The following CNTN5 variants were observed in gnomAD, a reference collection of about 807,000 sequenced individuals.
CNTN5 encodes contactin-5.
In CNTN5, 77 loss-of-function variants were observed where a neutral mutation model predicts 129.1. The observed-to-expected ratio is 0.60, with a 90% CI of 0.50 to 0.72. The LOEUF is 0.72. Among genes scored for constraint, CNTN5 ranks in the 30% least tolerant of loss-of-function variants. The pLI is 0.00. For synonymous variants in CNTN5, 509 were observed against 465.6 expected (o/e 1.09, Z -1.20); for missense variants, 1,478 against 1,328.8 (o/e 1.11, Z -1.75).
chr11:100,173,478 G>A (rs1947879179), intron 13 of CNTN5, among the ~76,000 whole-genome samples: 1 of 152,088 alleles, frequency 6.6e-6, no homozygotes, highest in Non-Finnish European at 1.5e-5. Context: ...AGAGAGAGAT[G>A]ACAAGACAGA....
intron 1 of CNTN5, among the ~76,000 whole-genome samples, chr11:99,055,584 T>G (rs1030614402): frequency 3.3e-5 from 5 of 151,968 alleles, no homozygotes; most frequent in Non-Finnish European, 5.9e-5. Context: ...TGCTGACCCC[T>G]GACAATCCCA....
intron 3 of CNTN5, among the ~76,000 whole-genome samples, chr11:99,665,852 G>T (rs1404863938): frequency 1.3e-5 from 2 of 151,962 alleles, no homozygotes; most frequent in Admixed American, 1.3e-4. Context: ...TTTTCTTTTT[G>T]TTCTTTAAAA....
At chr11:99,827,948 T>C (rs1004764745) in intron 4 of CNTN5, among the ~76,000 whole-genome samples, 8 of 152,190 alleles carry the variant, frequency 5.3e-5, no homozygotes, top group African/African-American at 1.9e-4. Context: ...AGATGTACTT[T>C]TTACATTTTT....
At chr11:99,547,003 C>CTTT (rs59675284) in intron 2 of CNTN5, among the ~76,000 whole-genome samples, 32 of 128,608 alleles carry the variant, frequency 2.5e-4, no homozygotes, top group African/African-American at 8.2e-4. Flanking sequence ...AAATTATTTT[C>CTTT]TTTTTTTTTT....
intron 8 of CNTN5, among the ~76,000 whole-genome samples, chr11:99,975,003 A>C (rs1396033995): frequency 1.3e-5 from 2 of 152,224 alleles, no homozygotes; most frequent in Admixed American, 6.5e-5. Context: ...TTGTAGTACA[A>C]ATTTTACAGA....
chr11:99,184,254 C>T (rs76879560), intron 1 of CNTN5, among the ~76,000 whole-genome samples: 2,603 of 152,042 alleles, frequency 0.017, 40 homozygotes, highest in African/African-American at 0.037. Flanking sequence ...TTGGCATCTC[C>T]CCCACATACC....
intron 20 of CNTN5, among the ~76,000 whole-genome samples, chr11:100,300,959 T>C (rs780548088): frequency 6.6e-6 from 1 of 151,576 alleles, no homozygotes; most frequent in Non-Finnish European, 1.5e-5. Context: ...AGTAACATGC[T>C]CAAATTCACA....
intron 9 of CNTN5, among the ~76,000 whole-genome samples, chr11:100,030,868 T>C (rs553389066): frequency 2.4e-4 from 36 of 152,326 alleles, no homozygotes; most frequent in East Asian, 1.2e-3. Context: ...TATATAGTGA[T>C]AGAATCTAAG....
chr11:99,785,569 G>GA (rs1405341580), intron 3 of CNTN5, among the ~76,000 whole-genome samples: 1 of 152,068 alleles, frequency 6.6e-6, no homozygotes, highest in African/African-American at 2.4e-5. Context: ...CGATATTCCT[G>GA]ATGAACATCG....
At chr11:99,292,985 A>G (rs1864233152) in intron 1 of CNTN5, among the ~76,000 whole-genome samples, 1 of 152,198 alleles carries the variant, frequency 6.6e-6, no homozygotes, top group Admixed American at 6.5e-5. Flanking sequence ...AGTGCACTTA[A>G]TAGGCCCCCC....
chr11:99,371,031 T>C (rs1409124235), intron 2 of CNTN5, among the ~76,000 whole-genome samples: 2 of 152,146 alleles, frequency 1.3e-5, no homozygotes, highest in Non-Finnish European at 2.9e-5. Flanking sequence ...TCAGGGTAAT[T>C]GGCTCTGCAG....
At chr11:99,198,883 C>T (rs1260909126) in intron 1 of CNTN5, among the ~76,000 whole-genome samples, 1 of 152,110 alleles carries the variant, frequency 6.6e-6, no homozygotes, top group East Asian at 1.9e-4. Context: ...CTGATTGTTA[C>T]CTTGAAGACA....
At chr11:99,923,757 G>GTCTGTCTGTCTATCTA (rs71050033) in intron 7 of CNTN5, among the ~76,000 whole-genome samples, 53 of 140,700 alleles carry the variant, frequency 3.8e-4, no homozygotes, top group African/African-American at 6.0e-4. Flanking sequence ...CTATCTGTCT[G>GTCTGTCTGTCTATCTA]TCTATCTATC....
At chr11:100,149,231 A>G (rs1235469746) in intron 13 of CNTN5, among the ~76,000 whole-genome samples, 1 of 120,940 alleles carries the variant, frequency 8.3e-6, no homozygotes, top group Non-Finnish European at 1.8e-5. Context: ...TTTTCATATG[A>G]AAGTACAAAA....
chr11:99,898,434 C>T (rs958407920), intron 6 of CNTN5, among the ~76,000 whole-genome samples: 4 of 151,982 alleles, frequency 2.6e-5, no homozygotes, highest in Non-Finnish European at 5.9e-5. Flanking sequence ...AGTATGATCA[C>T]CTTGATGTAC....
intron 3 of CNTN5, among the ~76,000 whole-genome samples, chr11:99,706,120 G>A (rs1954745461): frequency 6.6e-6 from 1 of 151,444 alleles, no homozygotes; most frequent in Admixed American, 6.6e-5. Flanking sequence ...TTTTATTACT[G>A]TGTGGCTAGT....
intron 13 of CNTN5, among the ~76,000 whole-genome samples, chr11:100,132,364 C>T (rs1946401837): frequency 6.6e-6 from 1 of 152,032 alleles, no homozygotes; most frequent in Non-Finnish European, 1.5e-5. Context: ...GCCTGCCTGG[C>T]ACATACTAAA....
intron 1 of CNTN5, among the ~76,000 whole-genome samples, chr11:99,243,968 G>T (rs1007319216): frequency 6.6e-6 from 1 of 151,828 alleles, no homozygotes; most frequent in Non-Finnish European, 1.5e-5. Context: ...GCTTTCACAT[G>T]AATTTAGGAA....
intron 3 of CNTN5, among the ~76,000 whole-genome samples, chr11:99,640,366 A>C (rs1951727321): frequency 6.6e-6 from 1 of 152,176 alleles, no homozygotes; most frequent in African/African-American, 2.4e-5. Flanking sequence ...AAGGCCTCTG[A>C]ATTATGGTGG....
Sources: gnomAD v4.1 joint callset for allele counts (sites outside exome capture counted in the v4.1 genomes callset) on GRCh38, gnomAD v4.1.1 for gene constraint, MANE v1.5 for transcripts, NCBI Gene and HGNC (gene_info 2026-07-23, HGNC 2026-07-21) for gene names.